The following ART3 variants were observed in gnomAD, a reference collection of about 807,000 sequenced individuals.
ART3 encodes the protein ADP-ribosyltransferase 3 (inactive), also known as ecto-ADP-ribosyltransferase 3.
A neutral mutation model predicts 48.5 loss-of-function variants in ART3; 49 were observed. That is an observed-to-expected ratio of 1.01 (90% CI 0.80 to 1.28). The LOEUF (loss-of-function observed/expected upper bound fraction) is 1.28, where lower values mean the gene tolerates loss of function less well. Ranked by LOEUF, ART3 falls within the 50% of genes most tolerant of loss-of-function variation. ART3 has a pLI of 0.00. For synonymous variants in ART3, 145 were observed against 157.2 expected (o/e 0.92, Z 0.58); for missense variants, 438 against 454.3 (o/e 0.96, Z 0.33).
chr4:76,065,368 G>A (rs991524093), intron 1 of ART3, among the ~76,000 whole-genome samples: 3 of 152,006 alleles, frequency 2.0e-5, no homozygotes, highest in African/African-American at 4.8e-5. Context: ...TTAACATGCC[G>A]ATCTTTGGGA....
intron 1 of ART3, among the ~76,000 whole-genome samples, chr4:76,032,720 G>A (rs1733989089): frequency 6.6e-6 from 1 of 151,642 alleles, no homozygotes; most frequent in African/African-American, 2.4e-5. Context: ...GAGTAGCTGG[G>A]ATTACAGGCA....
At chr4:76,109,538 CAG>C (rs915022479) in intron 11 of ART3, among the ~76,000 whole-genome samples, 3 of 147,790 alleles carry the variant, frequency 2.0e-5, no homozygotes, top group African/African-American at 7.4e-5. Flanking sequence ...GTACATAAAA[CAG>C]TAACATAGTT....
At chr4:76,025,345 A>G (rs1291694600) in intron 1 of ART3, among the ~76,000 whole-genome samples, 1 of 152,198 alleles carries the variant, frequency 6.6e-6, no homozygotes, top group Admixed American at 6.5e-5. Flanking sequence ...AGAGATGGTG[A>G]CAGTTTTATT....
chr4:76,018,857 A>G (rs893392385), intron 1 of ART3, among the ~76,000 whole-genome samples: 1 of 151,998 alleles, frequency 6.6e-6, no homozygotes, highest in Non-Finnish European at 1.5e-5. Context: ...GTGAAGCCTC[A>G]TATTTGTATT....
chr4:76,034,950 AG>A, intron 1 of ART3: 1 of 1,379,158 alleles, frequency 7.3e-7, no homozygotes, highest in Non-Finnish European at 1.0e-6. Context: ...ACAGGATCAT[AG>A]CAGAATCTTT....
intron 1 of ART3, chr4:76,022,704 G>A (rs756286152): frequency 6.8e-6 from 11 of 1,613,708 alleles, no homozygotes; most frequent in Admixed American, 5.0e-5. Context: ...ATCTCAACAC[G>A]TGGACAAAAT....
chr4:76,046,632 A>G (rs1377519105), intron 1 of ART3, among the ~76,000 whole-genome samples: 1 of 151,978 alleles, frequency 6.6e-6, no homozygotes, highest in South Asian at 2.1e-4. Flanking sequence ...TCCAATGCCC[A>G]GACTTCAGGG....
At chr4:76,059,728 A>G (rs868068917) in intron 1 of ART3, among the ~76,000 whole-genome samples, 6 of 152,224 alleles carry the variant, frequency 3.9e-5, no homozygotes, top group Admixed American at 2.0e-4. Flanking sequence ...TAGAGAAATG[A>G]ATTAGTAAAG....
chr4:76,104,724 G>C, intron 10 of ART3, 95 bp downstream of exon 10: 2 of 1,425,022 alleles, frequency 1.4e-6, no homozygotes, highest in Non-Finnish European at 1.9e-6. Context: ...CCTCATAATT[G>C]TCATCTATCA....
At chr4:76,050,695 C>T (rs1002051483) in intron 1 of ART3, among the ~76,000 whole-genome samples, 5 of 152,134 alleles carry the variant, frequency 3.3e-5, no homozygotes, top group Non-Finnish European at 5.9e-5. Context: ...GACTGGGCAC[C>T]GTGGAGCAGG....
intron 1 of ART3, among the ~76,000 whole-genome samples, chr4:76,029,629 T>C (rs556792955): frequency 1.4e-4 from 22 of 152,302 alleles, no homozygotes; most frequent in African/African-American, 5.1e-4. Context: ...GCTGACCATA[T>C]CATAAAGATT....
intron 3 of ART3, among the ~76,000 whole-genome samples, chr4:76,095,909 C>G (rs1253953804): frequency 6.6e-6 from 1 of 151,766 alleles, no homozygotes; most frequent in African/African-American, 2.4e-5. Context: ...TCACTCATCT[C>G]CTGCTGAGAC....
intron 3 of ART3, among the ~76,000 whole-genome samples, chr4:76,086,432 AGAGAAT>A (rs1339656578): frequency 6.6e-6 from 1 of 152,214 alleles, no homozygotes; most frequent in Non-Finnish European, 1.5e-5. Context: ...ATCAAAAACG[AGAGAAT>A]GAAACAGTAG....
rs1296304602 is a variant in ART3 at position 76,112,601 on chromosome 4, T to G, written c.*82T>G. The G allele has an allele frequency of 3.5e-6, 5 of 1,423,372 alleles. No homozygotes were observed. The highest frequency in any genetic ancestry group is 4.7e-6 in the Non-Finnish European group (5 of 1,068,266). 88.2% of individuals were successfully genotyped at this position (1,423,372 alleles called of 1,614,324 possible). ...AGGAGATCAAAAGGAATGATGTATT[T>G]TTTACGTGTTGGCCAAAGTCACTGG... On this transcript the variant is annotated 3_prime_UTR_variant, in exon 12 of 12. Coordinates refer to ENST00000355810, the MANE Select transcript of ART3 (RefSeq NM_001130016.3).
At chr4:76,022,551 C>T in intron 1 of ART3, 2 of 1,484,424 alleles carry the variant, frequency 1.3e-6, no homozygotes, top group East Asian at 2.3e-5. Context: ...TTAAGTTTCA[C>T]TCTGCATGTT....
rs910511739 is a variant in ART3, at chr4:76,075,803, ACG to A, written c.-9-76_-9-75del. On this transcript the variant is annotated intron_variant, in intron 1 of 11. Coordinates refer to ENST00000355810, the MANE Select transcript of ART3 (RefSeq NM_001130016.3). ...CCACTCACATTCTAAATGAAAAAAT[ACG>A]CAGTGTCATCCTATTCTACTTCCCT... is the stretch of plus-strand genomic sequence containing the variant. 4 of 1,068,288 alleles carry A rather than the reference ACG, an allele frequency of 3.7e-6. No homozygotes were observed. In the African/African-American group the frequency reaches 4.8e-5, roughly 13 times the overall value. The allele number at this position is 1,068,288 out of a possible 1,614,324, so 66.2% of individuals were successfully genotyped here.
chr4:76,083,967 A>G (rs1434893048), intron 3 of ART3, among the ~76,000 whole-genome samples: 1 of 152,204 alleles, frequency 6.6e-6, no homozygotes. Context: ...CTCCCAGCAT[A>G]GTAAAGACAG....
At chr4:76,078,304 A>T (rs1474007527) in intron 2 of ART3, among the ~76,000 whole-genome samples, 2 of 152,116 alleles carry the variant, frequency 1.3e-5, no homozygotes, top group African/African-American at 4.8e-5. Context: ...TTAGAGGCAT[A>T]GGGAAAAGAC....
chr4:76,028,243 G>T (rs1733584902), intron 1 of ART3, among the ~76,000 whole-genome samples: 1 of 152,188 alleles, frequency 6.6e-6, no homozygotes. Flanking sequence ...AGCCAAGACT[G>T]CATGTGTCAT....
Sources: allele counts gnomAD v4.1 joint callset (sites outside exome capture counted in the v4.1 genomes callset), GRCh38; gene constraint gnomAD v4.1.1; transcripts MANE v1.5; gene names NCBI Gene and HGNC (gene_info 2026-07-23, HGNC 2026-07-21).